The following AGPS variants were observed in gnomAD, a reference collection of about 807,000 sequenced individuals.
AGPS encodes the protein alkylglycerone phosphate synthase.
AGPS carries 26 observed loss-of-function variants against 90.7 expected under a neutral mutation model. That is an observed-to-expected ratio of 0.29 (90% CI 0.21 to 0.40). The LOEUF is 0.40. Ranked by LOEUF, AGPS falls within the 10% of genes least tolerant of loss-of-function variation. AGPS has a pLI of 1.00. For synonymous variants in AGPS, 294 were observed against 285.3 expected, an observed-to-expected ratio of 1.03 and a Z score of -0.31; for missense variants, 540 against 816.1, an observed-to-expected ratio of 0.66 and a Z score of 4.12.
chr2:177,443,323 C>T (rs1338022845), intron 7 of AGPS, among the ~76,000 whole-genome samples: 1 of 152,134 alleles, frequency 6.6e-6, no homozygotes, highest in African/African-American at 2.4e-5. Flanking sequence ...CATTGTAGCT[C>T]TTAAGTCTCA....
At chr2:177,497,952 T>C (rs1258048322) in intron 13 of AGPS, among the ~76,000 whole-genome samples, 187 bp downstream of exon 13, 2 of 151,916 alleles carry the variant, frequency 1.3e-5, no homozygotes, top group Non-Finnish European at 3.0e-5. Flanking sequence ...TTTATTTCTT[T>C]TCCAGTTTTG....
intron 11 of AGPS, among the ~76,000 whole-genome samples, chr2:177,483,727 C>T (rs949837546): frequency 5.3e-5 from 8 of 151,940 alleles, no homozygotes; most frequent in Non-Finnish European, 1.0e-4. Flanking sequence ...GCTAAAATGA[C>T]GAGGTGGCAA....
rs531266522 is a variant in AGPS, at chr2:177,512,242, TC to T, written c.1608-1576del. Among the ~76,000 whole-genome samples the T allele has an allele frequency of 2.6e-3, 403 of 152,190 alleles. 2 individuals are homozygous for T. The highest frequency in any genetic ancestry group is 3.4e-3 in the Middle Eastern group (1 of 294). On this transcript the variant is annotated intron_variant, in intron 16 of 19. Transcript: ENST00000264167. ...ATAAAGACATATTAAATATCAGTCATCTAAATGTTTTATGAGATTTTTTTTA... is the reference window on the plus strand; with the variant it reads ...ATAAAGACATATTAAATATCAGTCATTAAATGTTTTATGAGATTTTTTTTA...
chr2:177,462,280 C>T (rs1206942661), intron 9 of AGPS, among the ~76,000 whole-genome samples: 1 of 150,616 alleles, frequency 6.6e-6, no homozygotes, highest in Non-Finnish European at 1.5e-5. Context: ...GTAGTCCCAG[C>T]TACTCGGGAG....
intron 10 of AGPS, among the ~76,000 whole-genome samples, chr2:177,476,175 C>G (rs1228228408): frequency 6.6e-6 from 1 of 151,752 alleles, no homozygotes; most frequent in Non-Finnish European, 1.5e-5. Flanking sequence ...TTGATCTCAT[C>G]AATTTCACCT....
intron 10 of AGPS, among the ~76,000 whole-genome samples, chr2:177,469,264 A>G (rs1022873472): frequency 6.6e-6 from 1 of 152,172 alleles, no homozygotes; most frequent in East Asian, 1.9e-4. Context: ...AGAGGAGCTC[A>G]TTATTCACTT....
At chr2:177,521,112 A>C (rs1005813199) in intron 17 of AGPS, among the ~76,000 whole-genome samples, 157 bp from the exon 18 acceptor site, 3 of 152,224 alleles carry the variant, frequency 2.0e-5, no homozygotes, top group Admixed American at 1.3e-4. Flanking sequence ...ACTCTAAAGC[A>C]AGCCAATGTG....
At chr2:177,404,532 T>C (rs1219275976) in intron 1 of AGPS, among the ~76,000 whole-genome samples, 1 of 152,178 alleles carries the variant, frequency 6.6e-6, no homozygotes, top group Non-Finnish European at 1.5e-5. Flanking sequence ...CAATACTCAT[T>C]AGTGTACCAT....
chr2:177,395,345 G>A (rs1685142819), intron 1 of AGPS, among the ~76,000 whole-genome samples: 1 of 152,222 alleles, frequency 6.6e-6, no homozygotes, highest in Non-Finnish European at 1.5e-5. Context: ...GGCATCGATA[G>A]TTCAGGCACG....
At chr2:177,426,773 A>G (rs1686093496) in intron 2 of AGPS, among the ~76,000 whole-genome samples, 1 of 152,078 alleles carries the variant, frequency 6.6e-6, no homozygotes, top group Non-Finnish European at 1.5e-5. Context: ...GTTTGCCAGT[A>G]TTTTATTTAG....
chr2:177,521,273 A>T lies in AGPS; in HGVS notation c.1702A>T (p.Thr568Ser). The T allele has an allele frequency of 6.2e-7, 1 of 1,614,010 alleles. No individual in the cohort carries two copies. The highest frequency in any genetic ancestry group is 8.5e-7 in the Non-Finnish European group (1 of 1,179,898). ...GGGATTTTGTTTGTTTTTTAGGGTG[A>T]CGCAGACTTACGATGCAGGTGCTTG... ...QFAPFSTCRV[T>S]QTYDAGACIY... The change falls in exon 18 of 20, where the codon ACG (threonine) becomes TCG (serine). Residue 568 changes from threonine to serine, a missense_variant. Thr to Ser is a moderately conservative substitution (Grantham distance 58, BLOSUM62 1). Coordinates refer to ENST00000264167, the MANE Select transcript of AGPS (RefSeq NM_003659.4).
intron 11 of AGPS, among the ~76,000 whole-genome samples, chr2:177,488,822 T>A (rs1341068625): frequency 6.6e-6 from 1 of 152,220 alleles, no homozygotes; most frequent in Non-Finnish European, 1.5e-5. Flanking sequence ...GTATAATTCA[T>A]TCCTTAGCCA....
In AGPS at chr2:177,451,919, A is replaced by AT. The variant is rs202043846; in HGVS notation, c.870+6299dup. Among the ~76,000 whole-genome samples, 650 of 150,758 alleles carry AT rather than the reference A, an allele frequency of 4.3e-3. 7 individuals are homozygous for AT. The highest frequency in any genetic ancestry group is 0.038 in the East Asian group (195 of 5,084). ...TTTGAAAATATTTTCTACTTCTTTGATTTTTTCTTTGATCTATGGTTTACT... is the reference window on the plus strand; with the variant it reads ...TTTGAAAATATTTTCTACTTCTTTGATTTTTTTCTTTGATCTATGGTTTACT... On this transcript the variant is annotated intron_variant, in intron 8 of 19. Transcript: ENST00000264167.
intron 8 of AGPS, among the ~76,000 whole-genome samples, chr2:177,457,417 C>T (rs1319435983): frequency 6.6e-6 from 1 of 151,652 alleles, no homozygotes; most frequent in African/African-American, 2.4e-5. Context: ...TTTGAAAATA[C>T]CAACAAAATA....
chr2:177,393,018 G>T lies in AGPS; in HGVS notation c.229G>T (p.Ala77Ser). The T allele has an allele frequency of 1.9e-6, 3 of 1,550,354 alleles. No homozygotes were observed. Among genetic ancestry groups the T allele is most frequent in the Non-Finnish European group, 2.6e-6 (3 of 1,146,796 alleles). ...ATAAPTATPA[A>S]QESGTIPKKR... The stretch of plus-strand genomic sequence containing the variant: ...GGCAGCGCCCACGGCCACTCCCGCC[G>T]CGCAGGAGTCGGGCACCATCCCAAA... The change falls in exon 1 of 20, where the codon GCG becomes TCG. Residue 77 changes from alanine to serine, a missense_variant. This residue lies in a region of AGPS where 135 missense variants were observed against 124.0 expected (regional missense o/e 1.09). Coordinates refer to ENST00000264167, the MANE Select transcript of AGPS (RefSeq NM_003659.4).
intron 17 of AGPS, among the ~76,000 whole-genome samples, chr2:177,516,757 G>C (rs1009500040): frequency 1.3e-5 from 2 of 152,070 alleles, no homozygotes; most frequent in African/African-American, 2.4e-5. Context: ...TCTCTTATGA[G>C]TGATATATAT....
intron 2 of AGPS, among the ~76,000 whole-genome samples, chr2:177,425,034 C>T (rs1341196668): frequency 6.6e-6 from 1 of 152,134 alleles, no homozygotes; most frequent in Non-Finnish European, 1.5e-5. Context: ...GTTGTCTGTT[C>T]ACTCTGATGA....
chr2:177,507,811 G>C lies in AGPS; in HGVS notation c.1546-159G>C, dbSNP rs76586354. ...GTTACGGAGGCTGCATCTCACTCCA[G>C]GGACAACTTTTCAGTGCTCTTATGA... is the stretch of plus-strand genomic sequence containing the variant. On this transcript the variant is annotated intron_variant, in intron 15 of 19. Coordinates refer to ENST00000264167, the MANE Select transcript of AGPS (RefSeq NM_003659.4). Among the ~76,000 whole-genome samples the C allele has an allele frequency of 6.3e-3, 955 of 152,300 alleles. 11 individuals carry two copies. The highest frequency in any genetic ancestry group is 0.021 in the African/African-American group (866 of 41,568).
At chr2:177,453,498 T>A (rs1687013834) in intron 8 of AGPS, among the ~76,000 whole-genome samples, 1 of 151,414 alleles carries the variant, frequency 6.6e-6, no homozygotes, top group Admixed American at 6.6e-5. Context: ...CTAAAACTCC[T>A]GACCTCTGAT....
Sources: gnomAD v4.1 joint callset for allele counts (sites outside exome capture counted in the v4.1 genomes callset) on GRCh38, gnomAD v4.1.1 for gene constraint, gnomAD v4.1.1 regional missense constraint, MANE v1.5 for transcripts, NCBI Gene and HGNC (gene_info 2026-07-23, HGNC 2026-07-21) for gene names.